The following AATK variants were observed in gnomAD, a reference collection of about 807,000 sequenced individuals.
The protein encoded by AATK is lemur tail kinase 1.
A neutral mutation model predicts 114.3 loss-of-function variants in AATK; 91 were observed. That is an observed-to-expected ratio of 0.80 (90% CI 0.67 to 0.95). AATK has a LOEUF of 0.95. AATK is among the 40% of genes least tolerant of loss of function. The probability of loss-of-function intolerance (pLI) is 0.00; values close to 1 mark genes in which losing one functional copy is unlikely to be tolerated. For synonymous variants in AATK, 1,075 were observed against 916.5 expected, an observed-to-expected ratio of 1.17 and a Z score of -3.12; for missense variants, 2,176 against 1,965.2, an observed-to-expected ratio of 1.11 and a Z score of -2.03.
Position 81,126,931 on chromosome 17 carries a change from G to A in AATK, c.622-371C>T, listed in dbSNP as rs1160653709. On this transcript the variant is annotated intron_variant, in intron 6 of 13. Coordinates refer to ENST00000326724, the MANE Select transcript of AATK (RefSeq NM_001080395.3). The surrounding 1 kb of genome is among the most constrained non-coding windows in gnomAD (Gnocchi z 5.1). The stretch of plus-strand genomic sequence containing the variant: ...CCTGCCGAAAGCCCAGCCCCGGGAC[G>A]GTCAACGTCAGGAGTCCAGACGCCA... 11 of 913,040 alleles carry A rather than the reference G, an allele frequency of 1.2e-5. No homozygotes were observed. The East Asian group carries it at 1.9e-4, about 16-fold the overall frequency. 56.6% of individuals were successfully genotyped at this position (913,040 alleles called of 1,614,324 possible).
rs1347543502 is a variant in AATK at position 81,128,460 on chromosome 17, G to A, written c.414+10C>T. ...AGGCGGGAGTCCTCCCTCCCAGGCG[G>A]GACACGTACCTTCCCGAACCAGCCA... On this transcript the variant is annotated intron_variant, in intron 4 of 13. Transcript: ENST00000326724. The A allele has an allele frequency of 3.2e-6, 5 of 1,548,592 alleles. No homozygotes were observed. In the East Asian group the frequency reaches 1.2e-4, roughly 38 times the overall value.
Position 81,121,565 on chromosome 17 carries a change from C to A in AATK, c.2371G>T (p.Gly791Ter). ...KLATEAEGTT[G>*]PRLPLPSVPS... ...ACGGAAGGAAGGGGCAGGCGGGGTC[C>A]GGTAGTGCCCTCAGCCTCCGTGGCA... Residue 791 changes from glycine (G) to a stop codon, truncating the protein, a stop_gained, in exon 11 of 14, where the codon GGA (glycine) becomes TGA (stop). Transcript: ENST00000326724. LOFTEE classifies it high-confidence loss of function. The A allele has an allele frequency of 6.6e-7, 1 of 1,515,636 alleles. No individual in the cohort carries two copies. The highest frequency in any genetic ancestry group is 8.8e-7 in the Non-Finnish European group (1 of 1,132,158). The allele number at this position is 1,515,636 out of a possible 1,614,324, so 93.9% of individuals were successfully genotyped here. A position where few individuals can be genotyped will look rare whatever the true frequency, so the allele number is the denominator to read the frequency against.
chr17:81,148,064 C>CAA (rs35731140), intron 1 of AATK, among the ~76,000 whole-genome samples: 5,027 of 100,916 alleles, frequency 0.05, 330 homozygotes, highest in Non-Finnish European at 0.062. Context: ...ACAACTTTGT[C>CAA]AAAAAAAAAA....
intron 1 of AATK, 59 bp downstream of exon 1, chr17:81,165,879 G>T: frequency 2.6e-6 from 4 of 1,548,618 alleles, no homozygotes; most frequent in Non-Finnish European, 1.7e-6. Flanking sequence ...GGGCCCAGGG[G>T]CATCACGTCC....
chr17:81,127,270 C>CA (rs149853782), intron 6 of AATK, among the ~76,000 whole-genome samples: 2,600 of 152,100 alleles, frequency 0.017, 76 homozygotes, highest in African/African-American at 0.059. Context: ...GCCAGTGCCC[C>CA]CCCCCAGTTG....
chr17:81,133,056 CGGCCT>C, intron 2 of AATK: 1 of 325,314 alleles, frequency 3.1e-6, no homozygotes, highest in Non-Finnish European at 6.1e-6. Flanking sequence ...GGCGCCTGCG[CGGCCT>C]GGCCTGGCCC....
chr17:81,130,617 C>T (rs932667224), intron 3 of AATK, among the ~76,000 whole-genome samples: 6 of 152,164 alleles, frequency 3.9e-5, no homozygotes, highest in Admixed American at 6.5e-5. Flanking sequence ...GAAGGGCTGG[C>T]GCTCAAGGGG....
At chr17:81,133,917 G>A (rs940226128) in intron 2 of AATK, among the ~76,000 whole-genome samples, 5 of 152,164 alleles carry the variant, frequency 3.3e-5, no homozygotes, top group Admixed American at 6.5e-5. Flanking sequence ...TCCCTGTGCC[G>A]GGAAGCTTGT....
intron 2 of AATK, chr17:81,132,073 A>T: frequency 8.0e-7 from 1 of 1,253,950 alleles, no homozygotes; most frequent in Non-Finnish European, 1.1e-6. Context: ...GGGATACCCC[A>T]CCCCCAAGTC....
chr17:81,145,909 T>G (rs2061211770), intron 1 of AATK, among the ~76,000 whole-genome samples: 1 of 151,986 alleles, frequency 6.6e-6, no homozygotes, highest in South Asian at 2.1e-4. Context: ...TAAACAAGAC[T>G]GAGCGCGGTG....
rs2146285214 is a variant in AATK, at chr17:81,120,744, C to T, written c.3192G>A (p.Gly1064=). Residue 1064 remains glycine, a synonymous_variant, in exon 11 of 14, where the codon GGG becomes GGA. Coordinates refer to ENST00000326724, the MANE Select transcript of AATK (RefSeq NM_001080395.3). The stretch of plus-strand genomic sequence containing the variant: ...GGCAGGTGCTGGGCTCTGGGGAGGA[C>T]CCTTCAAGCTGCAGCAGTGGGGGCA... ...EVLPPLLQLE[G]SSPEPSTCPS... is the part of the protein sequence containing the mutation. 1.3e-6 allele frequency: 2 copies of T among 1,576,850 alleles called. No individual in the cohort carries two copies. The highest frequency in any genetic ancestry group is 2.3e-5 in the South Asian group (2 of 85,978).
chr17:81,145,562 G>A (rs528437501), intron 1 of AATK, among the ~76,000 whole-genome samples: 4 of 151,612 alleles, frequency 2.6e-5, no homozygotes, highest in Admixed American at 6.6e-5. Flanking sequence ...ATGAAACCCC[G>A]TCTCTACTAA....
chr17:81,126,356 CCCTATG>C lies in AATK; in HGVS notation c.755+65_755+70del. 6.6e-7 allele frequency: 1 copy of C among 1,504,886 alleles called. No individual in the cohort carries two copies. The highest frequency in any genetic ancestry group is 8.9e-7 in the Non-Finnish European group (1 of 1,120,150). The allele number at this position is 1,504,886 out of a possible 1,614,324, so 93.2% of individuals were successfully genotyped here. ...CGCAAGCCCCCTGAGGCAGGACCCG[CCCTATG>C]CCCTTCCTTCAGGGGAGGGGCCTGG... is the stretch of plus-strand genomic sequence containing the variant. On this transcript the variant is annotated intron_variant, in intron 7 of 13. Transcript: ENST00000326724. This position sits in a 1 kb window ranked among gnomAD's most constrained non-coding sequence, Gnocchi z 5.1.
In AATK at chr17:81,166,149, C is replaced by G. The variant is rs1007962034; in HGVS notation, c.-157G>C. The G allele has an allele frequency of 3.1e-5, 8 of 261,828 alleles. No homozygotes were observed. The highest frequency in any genetic ancestry group is 1.9e-4 in the African/African-American group (8 of 42,102). The allele number at this position is 261,828 out of a possible 1,614,324, so 16.2% of individuals were successfully genotyped here. On this transcript the variant is annotated 5_prime_UTR_variant, in exon 1 of 14. Transcript: ENST00000326724. Reference sequence around the variant, plus strand: ...CCCCGCCGCAGCCGCAGAGCCCGCACCGGTGGGGGCGGCGGCGACAGACGA... The same window carrying G: ...CCCCGCCGCAGCCGCAGAGCCCGCAGCGGTGGGGGCGGCGGCGACAGACGA...
intron 1 of AATK, among the ~76,000 whole-genome samples, chr17:81,164,419 G>T (rs1323159595): frequency 6.6e-6 from 1 of 152,210 alleles, no homozygotes; most frequent in Admixed American, 6.5e-5. Context: ...CCCAGCAGGT[G>T]CCTGCAGCTC....
At chr17:81,140,263 A>C (rs2061102740) in intron 1 of AATK, among the ~76,000 whole-genome samples, 1 of 152,126 alleles carries the variant, frequency 6.6e-6, no homozygotes, top group South Asian at 2.1e-4. Flanking sequence ...CTTCACCCCC[A>C]CTTGCTTTTT....
At position 81,126,872 on chromosome 17, in the gene AATK, G is replaced by A. The variant is rs1418663239; in HGVS notation, c.622-312C>T. 10 of 1,182,262 alleles carry A rather than the reference G, an allele frequency of 8.5e-6. No individual in the cohort carries two copies. Among genetic ancestry groups the A allele is most frequent in the Non-Finnish European group, 1.1e-6 (1 of 952,038 alleles). 73.2% of individuals were successfully genotyped at this position (1,182,262 alleles called of 1,614,324 possible). On this transcript the variant is annotated intron_variant, in intron 6 of 13. Coordinates refer to ENST00000326724, the MANE Select transcript of AATK (RefSeq NM_001080395.3). This position sits in a 1 kb window ranked among gnomAD's most constrained non-coding sequence, Gnocchi z 5.1. ...AGTGGATCTGCTTGATGGAGTCTGG[G>A]GCTGGTGGTCGAGGGTTGGCCGGCA...
intron 1 of AATK, among the ~76,000 whole-genome samples, chr17:81,145,391 A>G (rs2061202522): frequency 6.6e-6 from 1 of 152,218 alleles, no homozygotes; most frequent in African/African-American, 2.4e-5. Flanking sequence ...AGCTAAAAGC[A>G]ATGGAAGGGA....
At position 81,118,454 on chromosome 17, in the gene AATK, G is replaced by A. The variant is rs200432643; in HGVS notation, c.4085-12C>T. On this transcript the variant is annotated splice_polypyrimidine_tract_variant and intron_variant, in intron 13 of 13. Transcript: ENST00000326724. The stretch of plus-strand genomic sequence containing the variant: ...ACCAGCTTCAGGTCCTGGCAAGCAG[G>A]ACAACAAAGTGAACACAGGGTTCTG... 69 of 1,605,032 alleles carry A rather than the reference G, an allele frequency of 4.3e-5. No individual in the cohort carries two copies. Among genetic ancestry groups the A allele is most frequent in the Non-Finnish European group, 5.2e-5 (61 of 1,176,750 alleles).
Sources: allele counts gnomAD v4.1 joint callset (sites outside exome capture counted in the v4.1 genomes callset), GRCh38; gene constraint gnomAD v4.1.1; non-coding constraint Gnocchi (gnomAD v3.1); transcripts MANE v1.5; gene names NCBI Gene and HGNC (gene_info 2026-07-23, HGNC 2026-07-21).